The following MRPL14 variants were observed in gnomAD, a reference collection of about 807,000 sequenced individuals.
MRPL14 encodes the protein large ribosomal subunit protein uL14m.
MRPL14 carries 8 observed loss-of-function variants against 10.9 expected under a neutral mutation model. The ratio of observed to expected loss-of-function variants is 0.74; its 90% CI spans 0.43 to 1.33. The LOEUF is 1.33. Ranked by LOEUF, MRPL14 falls within the 40% of genes most tolerant of loss-of-function variation. The pLI, the probability that MRPL14 is intolerant of heterozygous loss-of-function variation, is 0.01. For missense variants in MRPL14, 179 were observed against 194.5 expected, an observed-to-expected ratio of 0.92 and a Z score of 0.47; for synonymous variants, 82 against 74.1, an observed-to-expected ratio of 1.11 and a Z score of -0.54.
At chr6:44,126,782 C>T (rs1777119265) in intron 1 of MRPL14, 1 of 152,306 alleles carries the variant, frequency 6.6e-6, no homozygotes, top group South Asian at 2.1e-4. Flanking sequence ...CTCAGTCTCT[C>T]CCTTCATCTT....
At chr6:44,114,562 C>G (rs887691419) in intron 2 of MRPL14, among the ~76,000 whole-genome samples, 1 of 152,216 alleles carries the variant, frequency 6.6e-6, no homozygotes, top group East Asian at 1.9e-4. Flanking sequence ...CTAGGCCTCA[C>G]CCACTGCCTA....
intron 1 of MRPL14, among the ~76,000 whole-genome samples, chr6:44,117,615 G>T (rs1775972487): frequency 6.6e-6 from 1 of 152,124 alleles, no homozygotes; most frequent in African/African-American, 2.4e-5. Context: ...AAGAATGTTA[G>T]GGTGGGGCAG....
rs1777326604 is a variant in MRPL14 at position 44,127,419 on chromosome 6, C to G, written c.-94G>C. The G allele has an allele frequency of 6.6e-6, 1 of 152,286 alleles. No individual in the cohort carries two copies. The highest frequency in any genetic ancestry group is 1.9e-4 in the East Asian group (1 of 5,174). The allele number at this position is 152,286 out of a possible 1,614,324, so 9.4% of individuals were successfully genotyped here. On this transcript the variant is annotated 5_prime_UTR_variant, in exon 1 of 3. Coordinates refer to ENST00000372014, the MANE Select transcript of MRPL14 (RefSeq NM_032111.4). ...CGCCTTCGCCCCACGCGGCCTCTTC[C>G]TAGCGCCTGCGCGCCAGGCCCAGCC...
intron 1 of MRPL14, among the ~76,000 whole-genome samples, chr6:44,121,422 C>T (rs1469665859): frequency 2.0e-5 from 3 of 152,162 alleles, no homozygotes; most frequent in Non-Finnish European, 4.4e-5. Flanking sequence ...CTAAGCCATG[C>T]TAATTTTCCA....
chr6:44,120,222 T>C (rs545177762), intron 1 of MRPL14, among the ~76,000 whole-genome samples: 52 of 152,320 alleles, frequency 3.4e-4, no homozygotes, highest in Admixed American at 3.1e-3. Context: ...CACTGGGACA[T>C]CCTTGTGCCA....
At chr6:44,126,005 C>G (rs1935611) in intron 1 of MRPL14, among the ~76,000 whole-genome samples, 1 of 152,010 alleles carries the variant, frequency 6.6e-6, no homozygotes, top group African/African-American at 2.4e-5. Flanking sequence ...CAGTGATGAA[C>G]AGTGAACTGT....
At chr6:44,114,784 AT>A (rs1412212492) in intron 2 of MRPL14, among the ~76,000 whole-genome samples, 2 of 151,808 alleles carry the variant, frequency 1.3e-5, no homozygotes, top group African/African-American at 2.4e-5. Flanking sequence ...AATTTTTTGT[AT>A]TTTTTAGTAG....
intron 1 of MRPL14, among the ~76,000 whole-genome samples, chr6:44,125,654 C>CA (rs56951374): frequency 0.047 from 3,019 of 64,490 alleles, 287 homozygotes; most frequent in Middle Eastern, 0.066. Context: ...GAGACTGTCT[C>CA]AAAAAAAAAA....
At position 44,116,643 on chromosome 6, in the gene MRPL14, G is replaced by GA; in HGVS notation, c.-18-15dup. 1.9e-6 allele frequency: 3 copies of GA among 1,602,030 alleles called. No homozygotes were observed. Among genetic ancestry groups the GA allele is most frequent in the Non-Finnish European group, 2.6e-6 (3 of 1,169,546 alleles). On this transcript the variant is annotated splice_polypyrimidine_tract_variant and intron_variant, in intron 1 of 2. Transcript: ENST00000372014. ...CCAAGATAGATCCTGCAGGAAAAAC[G>GA]AGAGGGGGAAAAATTGGTTTCTAAG... is the stretch of plus-strand genomic sequence containing the variant.
intron 1 of MRPL14, among the ~76,000 whole-genome samples, chr6:44,123,086 C>A (rs1049903486): frequency 2.0e-5 from 3 of 152,204 alleles, no homozygotes; most frequent in African/African-American, 7.2e-5. Context: ...AGATCACTTT[C>A]TTTGAAGATT....
intron 1 of MRPL14, among the ~76,000 whole-genome samples, chr6:44,125,493 TA>T (rs199641892): frequency 0.013 from 1,936 of 151,578 alleles, 50 homozygotes; most frequent in African/African-American, 0.043. Context: ...CTATCTCTAC[TA>T]AAAATACAAA....
chr6:44,121,259 C>A (rs376281150), intron 1 of MRPL14, among the ~76,000 whole-genome samples: 346 of 150,086 alleles, frequency 2.3e-3, no homozygotes, highest in African/African-American at 7.9e-3. Context: ...AACTTTGGCG[C>A]CAGAGATGGC....
intron 1 of MRPL14, among the ~76,000 whole-genome samples, chr6:44,126,071 T>A (rs7752653): frequency 0.011 from 1,678 of 152,182 alleles, 24 homozygotes; most frequent in African/African-American, 0.036. Context: ...CTTTACTGTA[T>A]ATTCCTGGCA....
intron 1 of MRPL14, among the ~76,000 whole-genome samples, chr6:44,126,178 A>C (rs140763366): frequency 2.6e-5 from 4 of 152,282 alleles, no homozygotes; most frequent in African/African-American, 9.6e-5. Flanking sequence ...ACGCTTTTCA[A>C]ATTTTTCTCA....
rs1367687358 is a variant in MRPL14 at position 44,114,138 on chromosome 6, T to C, written c.143A>G (p.Asn48Ser). ...VRVVDNSALG[N>S]SPYHRAPRCI... ...GCGAGGAGCCCGATGGTATGGGCTGTTCCCCAGGGCACTGTTGTCCACCAC... is the reference window on the plus strand; with the variant it reads ...GCGAGGAGCCCGATGGTATGGGCTGCTCCCCAGGGCACTGTTGTCCACCAC... The change falls in exon 3 of 3, where the codon AAC becomes AGC. Residue 48 changes from asparagine to serine, a missense_variant. Physicochemically the swap from Asn to Ser is conservative, Grantham distance 46 (BLOSUM62 1). Coordinates refer to ENST00000372014, the MANE Select transcript of MRPL14 (RefSeq NM_032111.4). 6.2e-7 allele frequency: 1 copy of C among 1,614,186 alleles called. No homozygotes were observed.
At chr6:44,126,008 T>C (rs575962185) in intron 1 of MRPL14, among the ~76,000 whole-genome samples, 15 of 152,352 alleles carry the variant, frequency 9.8e-5, no homozygotes, top group Admixed American at 2.0e-4. Context: ...TGATGAACAG[T>C]GAACTGTCTT....
At chr6:44,122,721 G>GAC (rs10625755) in intron 1 of MRPL14, among the ~76,000 whole-genome samples, 91,968 of 151,826 alleles carry the variant, frequency 0.61, 29,079 homozygotes, top group East Asian at 0.82. Context: ...CGGGAAAAGA[G>GAC]ACTGAGAAAT....
intron 1 of MRPL14, among the ~76,000 whole-genome samples, chr6:44,121,588 A>C (rs1776418075): frequency 6.6e-6 from 1 of 152,224 alleles, no homozygotes; most frequent in African/African-American, 2.4e-5. Context: ...CCAGACACTC[A>C]GTGCCCAGAA....
In MRPL14 at chr6:44,127,401, G is replaced by C. The variant is rs1167955308; in HGVS notation, c.-76C>G. The C allele has an allele frequency of 6.6e-6, 1 of 151,930 alleles. No homozygotes were observed. The highest frequency in any genetic ancestry group is 2.4e-5 in the African/African-American group (1 of 41,198). The allele number at this position is 151,930 out of a possible 1,614,324, so 9.4% of individuals were successfully genotyped here. A position where few individuals can be genotyped will look rare whatever the true frequency, so the allele number is the denominator to read the frequency against. On this transcript the variant is annotated 5_prime_UTR_variant, in exon 1 of 3. Transcript: ENST00000372014. Reference sequence around the variant, plus strand: ...GCCCCACCAGCCAAGCGCCGCCTTCGCCCCACGCGGCCTCTTCCTAGCGCC... The same window carrying C: ...GCCCCACCAGCCAAGCGCCGCCTTCCCCCCACGCGGCCTCTTCCTAGCGCC...
Sources: gnomAD v4.1 joint callset for allele counts (sites outside exome capture counted in the v4.1 genomes callset) on GRCh38, gnomAD v4.1.1 for gene constraint, MANE v1.5 for transcripts, NCBI Gene and HGNC (gene_info 2026-07-23, HGNC 2026-07-21) for gene names.